Variants in DHRSX observed in about 807,000 individuals in gnomAD.
DHRSX encodes the protein polyprenol dehydrogenase.
Under a neutral mutation model 34.0 loss-of-function variants are expected in DHRSX, and 31 were observed. The observed-to-expected ratio is 0.91, with a 90% CI of 0.69 to 1.23. The LOEUF (loss-of-function observed/expected upper bound fraction) is 1.23. Among genes scored for constraint, DHRSX ranks in the 50% most tolerant of loss-of-function variants. DHRSX has a pLI of 0.00. For synonymous variants in DHRSX, 201 were observed against 183.8 expected, an observed-to-expected ratio of 1.09 and a Z score of -0.76; for missense variants, 414 against 428.1, an observed-to-expected ratio of 0.97 and a Z score of 0.29.
intron 1 of DHRSX, among the ~76,000 whole-genome samples, chrX:2,460,902 T>C (rs1333682783): frequency 1.3e-5 from 2 of 152,080 alleles, no homozygotes; most frequent in African/African-American, 4.8e-5. Flanking sequence ...TTTATTTTTG[T>C]AGGCACAGGA....
intron 1 of DHRSX, among the ~76,000 whole-genome samples, chrX:2,428,588 G>A (rs2043878474): frequency 6.6e-6 from 1 of 152,110 alleles, no homozygotes. Context: ...CATGGAAACA[G>A]GGAGGGGAAC....
At chrX:2,456,128 A>G (rs1248954832) in intron 1 of DHRSX, among the ~76,000 whole-genome samples, 1 of 152,154 alleles carries the variant, frequency 6.6e-6, no homozygotes, top group Non-Finnish European at 1.5e-5. Flanking sequence ...GGGCACAGTC[A>G]ACTCACCACA....
At chrX:2,260,620 C>T (rs1414649503) in intron 5 of DHRSX, among the ~76,000 whole-genome samples, 2 of 152,128 alleles carry the variant, frequency 1.3e-5, no homozygotes, top group Admixed American at 1.3e-4. Context: ...GCACCACGCC[C>T]GGCTAATTTT....
At chrX:2,368,072 A>G (rs1274641334) in intron 3 of DHRSX, among the ~76,000 whole-genome samples, 2 of 151,046 alleles carry the variant, frequency 1.3e-5, no homozygotes, top group Admixed American at 6.6e-5. Context: ...TCAAAACCCC[A>G]TCTCTACTAA....
chrX:2,488,795 T>C, intron 1 of DHRSX: 1 of 1,613,860 alleles, frequency 6.2e-7, no homozygotes, highest in South Asian at 1.1e-5. Context: ...CACCTGCTCG[T>C]CCACGTGCGC....
At chrX:2,490,786 A>C in intron 1 of DHRSX, 1 of 1,556,728 alleles carries the variant, frequency 6.4e-7, no homozygotes, top group East Asian at 2.3e-5. Context: ...AGAAGGGCCA[A>C]GACAAACACA....
intron 5 of DHRSX, among the ~76,000 whole-genome samples, chrX:2,248,409 GGC>G (rs1440624664): frequency 6.9e-6 from 1 of 144,628 alleles, no homozygotes; most frequent in East Asian, 2.0e-4. Flanking sequence ...TTCCAGCCTG[GGC>G]GACAGAGCGA....
At chrX:2,398,279 C>T (rs1012800490) in intron 3 of DHRSX, among the ~76,000 whole-genome samples, 1 of 152,164 alleles carries the variant, frequency 6.6e-6, no homozygotes, top group Non-Finnish European at 1.5e-5. Flanking sequence ...CAGAGGTGGG[C>T]TCCAAGACTT....
At chrX:2,331,184 T>G (rs1471571265) in intron 3 of DHRSX, among the ~76,000 whole-genome samples, 3 of 152,146 alleles carry the variant, frequency 2.0e-5, no homozygotes, top group Non-Finnish European at 4.4e-5. Flanking sequence ...AAACTCCTCT[T>G]CCATTCCAGT....
intron 1 of DHRSX, among the ~76,000 whole-genome samples, chrX:2,437,930 T>G (rs1290806511): frequency 6.6e-6 from 1 of 151,580 alleles, no homozygotes; most frequent in Non-Finnish European, 1.5e-5. Context: ...GAACAATATG[T>G]GGCAACCATT....
At chrX:2,365,387 A>T (rs2042984524) in intron 3 of DHRSX, among the ~76,000 whole-genome samples, 1 of 152,086 alleles carries the variant, frequency 6.6e-6, no homozygotes, top group Non-Finnish European at 1.5e-5. Flanking sequence ...TGATCCACCC[A>T]TCTCGGCCTC....
intron 1 of DHRSX, among the ~76,000 whole-genome samples, chrX:2,493,148 G>A (rs765449547): frequency 1.6e-4 from 24 of 152,296 alleles, no homozygotes; most frequent in African/African-American, 5.1e-4. Flanking sequence ...CTGAGAGAAT[G>A]AATAACATGA....
At position 2,237,511 on chromosome X, in the gene DHRSX, T is replaced by C. The variant is rs745998976; in HGVS notation, c.804+5512A>G. The stretch of plus-strand genomic sequence containing the variant: ...CAGCATTTACAATAGCTTTCTATTT[T>C]TTTTTTTTTTTGAGATGGAGTTTCG... On this transcript the variant is annotated intron_variant, in intron 6 of 6. Transcript: ENST00000334651. Among the ~76,000 whole-genome samples, 7 of 152,006 alleles carry C rather than the reference T, an allele frequency of 4.6e-5. No homozygotes were observed. The South Asian group carries it at 1.3e-3, about 27-fold the overall frequency.
chrX:2,484,867 C>G (rs1194879221), intron 1 of DHRSX, among the ~76,000 whole-genome samples: 1 of 151,858 alleles, frequency 6.6e-6, no homozygotes, highest in Non-Finnish European at 1.5e-5. Flanking sequence ...CTCCTCTGCA[C>G]TCACGAGCAA....
At chrX:2,242,377 A>C (rs1292058863) in intron 6 of DHRSX, among the ~76,000 whole-genome samples, 1 of 152,006 alleles carries the variant, frequency 6.6e-6, no homozygotes, top group Non-Finnish European at 1.5e-5. Context: ...GTACAAATAC[A>C]TCACGGAATC....
At chrX:2,296,404 A>G (rs2041932065) in intron 3 of DHRSX, among the ~76,000 whole-genome samples, 2 of 152,234 alleles carry the variant, frequency 1.3e-5, no homozygotes, top group South Asian at 2.1e-4. Context: ...GAAGTGAAAA[A>G]TATCAGCATG....
intron 1 of DHRSX, among the ~76,000 whole-genome samples, chrX:2,497,023 G>A (rs2045302978): frequency 6.6e-6 from 1 of 151,938 alleles, no homozygotes; most frequent in Non-Finnish European, 1.5e-5. Context: ...TGTCTAACAG[G>A]ATGACTTATT....
chrX:2,437,517 T>C (rs898656207), intron 1 of DHRSX, among the ~76,000 whole-genome samples: 10 of 151,884 alleles, frequency 6.6e-5, no homozygotes, highest in Non-Finnish European at 1.5e-4. Flanking sequence ...GGTGGGAGGA[T>C]TGCTTGAGCC....
At chrX:2,488,602 C>T (rs772200024) in intron 1 of DHRSX, 181 of 1,551,736 alleles carry the variant, frequency 1.2e-4, no homozygotes, top group Non-Finnish European at 1.5e-4. Context: ...TGGGCTGCTG[C>T]GGGGATGACT....
Sources: allele counts gnomAD v4.1 joint callset (sites outside exome capture counted in the v4.1 genomes callset), GRCh38; gene constraint gnomAD v4.1.1; transcripts MANE v1.5; gene names NCBI Gene and HGNC (gene_info 2026-07-23, HGNC 2026-07-21).